The following PRKG1 variants were observed in gnomAD, a reference collection of about 807,000 sequenced individuals.
The protein encoded by PRKG1 is protein kinase cGMP-dependent 1.
In PRKG1, 35 loss-of-function variants were observed where a neutral mutation model predicts 88.1. The ratio of observed to expected loss-of-function variants is 0.40; its 90% CI spans 0.30 to 0.53. The LOEUF is 0.53. Among genes scored for constraint, PRKG1 ranks in the 20% least tolerant of loss-of-function variants. The probability of loss-of-function intolerance (pLI) is 0.59; values close to 1 mark genes in which losing one functional copy is unlikely to be tolerated. For synonymous variants in PRKG1, 303 were observed against 292.5 expected, an observed-to-expected ratio of 1.04 and a Z score of -0.37; for missense variants, 540 against 839.8, an observed-to-expected ratio of 0.64 and a Z score of 4.41.
At chr10:52,072,791 C>A (rs990311322) in intron 7 of PRKG1, among the ~76,000 whole-genome samples, 14 of 152,176 alleles carry the variant, frequency 9.2e-5, no homozygotes, top group African/African-American at 3.1e-4. Flanking sequence ...CCTGTTAGTG[C>A]CACCATGATC....
intron 2 of PRKG1, among the ~76,000 whole-genome samples, chr10:51,297,504 G>A (rs967859633): frequency 2.0e-5 from 3 of 152,018 alleles, no homozygotes; most frequent in African/African-American, 7.2e-5. Flanking sequence ...AGGATTGAGA[G>A]GAAACTTTGA....
chr10:52,169,267 C>T (rs1240838318), intron 9 of PRKG1, among the ~76,000 whole-genome samples: 2 of 152,240 alleles, frequency 1.3e-5, no homozygotes, highest in South Asian at 2.1e-4. Flanking sequence ...AACTTAGTGG[C>T]TTATAAACAG....
chr10:51,646,679 C>T (rs2132306285), intron 3 of PRKG1, among the ~76,000 whole-genome samples: 1 of 152,132 alleles, frequency 6.6e-6, no homozygotes, highest in South Asian at 2.1e-4. Context: ...ATATATTATA[C>T]TTTCTCTTGT....
chr10:52,172,107 A>G (rs1160907058), intron 9 of PRKG1, among the ~76,000 whole-genome samples: 2 of 152,166 alleles, frequency 1.3e-5, no homozygotes, highest in South Asian at 2.1e-4. Context: ...CGGCCTATCA[A>G]AAATTTTAAA....
intron 9 of PRKG1, among the ~76,000 whole-genome samples, chr10:52,167,828 G>C (rs953530889): frequency 6.6e-6 from 1 of 152,144 alleles, no homozygotes; most frequent in African/African-American, 2.4e-5. Flanking sequence ...GGGAAGTTCT[G>C]ACAACTATAT....
At chr10:51,232,026 AACTGACACATTGCCAAGTGGTTCT>A (rs1419061462) in intron 2 of PRKG1, among the ~76,000 whole-genome samples, 3 of 152,214 alleles carry the variant, frequency 2.0e-5, no homozygotes, top group African/African-American at 7.2e-5. Context: ...TGGTTGCACA[AACTGACACATTGCCAAGTGGTTCT>A]GACTGAATGC....
chr10:51,263,422 G>A (rs557548700), intron 2 of PRKG1, among the ~76,000 whole-genome samples: 10 of 152,172 alleles, frequency 6.6e-5, no homozygotes, highest in East Asian at 3.9e-4. Flanking sequence ...AGCTCTTTCC[G>A]CCTCAGTGGT....
chr10:51,249,254 T>G (rs1242713113), intron 2 of PRKG1, among the ~76,000 whole-genome samples: 2 of 151,784 alleles, frequency 1.3e-5, no homozygotes, highest in African/African-American at 4.8e-5. Flanking sequence ...ATGTTAGTAA[T>G]GGGGTCATCC....
intron 2 of PRKG1, among the ~76,000 whole-genome samples, chr10:51,396,294 A>G (rs1043834445): frequency 6.6e-6 from 1 of 152,126 alleles, no homozygotes; most frequent in Non-Finnish European, 1.5e-5. Context: ...GTAGCCACTC[A>G]GGAGACTGAG....
chr10:51,715,051 A>G lies in PRKG1; in HGVS notation c.593-89534A>G, dbSNP rs570127460. On this transcript the variant is annotated intron_variant, in intron 3 of 17. Transcript: ENST00000373980. ...GTGCATATATATATATGAGCTGTTC[A>G]TTGGTATATTCATAAAGTATTTCTC... 4.9e-4 allele frequency among the ~76,000 whole-genome samples: 74 copies of G among 152,220 alleles called. No individual in the cohort carries two copies. In the South Asian group the frequency reaches 0.015, roughly 31 times the overall value.
chr10:51,228,355 C>T (rs1564646632), intron 2 of PRKG1, among the ~76,000 whole-genome samples: 1 of 152,174 alleles, frequency 6.6e-6, no homozygotes, highest in Non-Finnish European at 1.5e-5. Flanking sequence ...CTCTCTTAGT[C>T]TAAGTGGATT....
chr10:51,721,437 C>T (rs1784142254), intron 3 of PRKG1, among the ~76,000 whole-genome samples: 1 of 152,134 alleles, frequency 6.6e-6, no homozygotes, highest in African/African-American at 2.4e-5. Context: ...GAATGTTCCT[C>T]AGTAACAGAA....
chr10:51,342,847 T>G (rs937329339), intron 2 of PRKG1, among the ~76,000 whole-genome samples: 1 of 152,222 alleles, frequency 6.6e-6, no homozygotes, highest in Non-Finnish European at 1.5e-5. Context: ...GTGTTCATTC[T>G]ATGAATATTC....
rs1050773230 is a variant in PRKG1, at chr10:51,943,439, T to C, written c.762+35869T>C. 2.0e-4 allele frequency among the ~76,000 whole-genome samples: 30 copies of C among 152,034 alleles called. 1 individual carries two copies. Among genetic ancestry groups the C allele is most frequent in the African/African-American group, 6.3e-4 (26 of 41,396 alleles). On this transcript the variant is annotated intron_variant, in intron 5 of 17. Coordinates refer to ENST00000373980, the MANE Select transcript of PRKG1 (RefSeq NM_006258.4). ...CTTCCTCTTTTCCTAATTGAATACC[T>C]TTTATTTCCTTCTCCTGCCTAATTG...
chr10:51,816,114 G>T (rs1163015527), intron 4 of PRKG1, among the ~76,000 whole-genome samples: 1 of 152,158 alleles, frequency 6.6e-6, no homozygotes, highest in African/African-American at 2.4e-5. Context: ...ATTTTACTAA[G>T]GCATTTCCAT....
intron 2 of PRKG1, among the ~76,000 whole-genome samples, chr10:51,372,669 A>G (rs1256131067): frequency 6.6e-6 from 1 of 152,156 alleles, no homozygotes; most frequent in Admixed American, 6.6e-5. Flanking sequence ...GAAGCTTTTT[A>G]AAACATTACA....
At chr10:50,992,048 C>T (rs1055701169) in intron 1 of PRKG1, among the ~76,000 whole-genome samples, 2 of 151,912 alleles carry the variant, frequency 1.3e-5, no homozygotes, top group African/African-American at 2.4e-5. Flanking sequence ...GAGAGCTTCC[C>T]AGCGGCGACC....
At chr10:51,550,399 A>G (rs937927240) in intron 3 of PRKG1, among the ~76,000 whole-genome samples, 2 of 151,936 alleles carry the variant, frequency 1.3e-5, no homozygotes, top group African/African-American at 2.4e-5. Flanking sequence ...TTTTTTATGA[A>G]ATCTCCATAT....
At chr10:51,850,777 T>C (rs1323811475) in intron 4 of PRKG1, among the ~76,000 whole-genome samples, 1 of 152,166 alleles carries the variant, frequency 6.6e-6, no homozygotes, top group African/African-American at 2.4e-5. Flanking sequence ...AACACTATAG[T>C]GTTACACTAT....
Sources: gnomAD v4.1 joint callset for allele counts (sites outside exome capture counted in the v4.1 genomes callset) on GRCh38, gnomAD v4.1.1 for gene constraint, MANE v1.5 for transcripts, NCBI Gene and HGNC (gene_info 2026-07-23, HGNC 2026-07-21) for gene names.